Variants in NDC80 observed in about 807,000 individuals in gnomAD.
NDC80 encodes NDC80 kinetochore complex component, also known as kinetochore protein NDC80 homolog.
Under a neutral mutation model 89.3 loss-of-function variants are expected in NDC80, and 69 were observed. That is an observed-to-expected ratio of 0.77 (90% CI 0.64 to 0.94). The LOEUF (loss-of-function observed/expected upper bound fraction) is 0.94, where lower values mean the gene tolerates loss of function less well. NDC80 is among the 40% of genes least tolerant of loss of function. The probability of loss-of-function intolerance (pLI) is 0.00; values close to 1 mark genes in which losing one functional copy is unlikely to be tolerated. For missense variants in NDC80, 593 were observed against 739.6 expected, an observed-to-expected ratio of 0.80 and a Z score of 2.30; for synonymous variants, 243 against 255.6, an observed-to-expected ratio of 0.95 and a Z score of 0.47.
chr18:2,609,706 T>C (rs1016667158), intron 15 of NDC80, among the ~76,000 whole-genome samples: 1 of 152,118 alleles, frequency 6.6e-6, no homozygotes, highest in African/African-American at 2.4e-5. Flanking sequence ...TGTAAAGAGG[T>C]AGAAAGTGGG....
chr18:2,583,989 C>A (rs2072591288), intron 6 of NDC80, among the ~76,000 whole-genome samples: 1 of 152,010 alleles, frequency 6.6e-6, no homozygotes, highest in South Asian at 2.1e-4. Flanking sequence ...TATTAGATAC[C>A]TATTGATATC....
intron 13 of NDC80, among the ~76,000 whole-genome samples, chr18:2,602,136 C>T (rs549125562): frequency 6.6e-6 from 1 of 152,260 alleles, no homozygotes; most frequent in East Asian, 1.9e-4. Flanking sequence ...CTTGTTAATT[C>T]AGCTCTTCAG....
rs752209322 is a variant in NDC80 at position 2,616,596 on chromosome 18, T to C, written c.*22T>C. ...ATGAAGATAAAATGTTGATCATGTA[T>C]ATATATCCATAGTGAATAAAATTGT... On this transcript the variant is annotated 3_prime_UTR_variant, in exon 17 of 17. Transcript: ENST00000261597. 1.3e-5 allele frequency: 17 copies of C among 1,270,402 alleles called. No individual in the cohort carries two copies. In the South Asian group the frequency reaches 2.5e-4, roughly 18 times the overall value. The allele number at this position is 1,270,402 out of a possible 1,614,324, so 78.7% of individuals were successfully genotyped here. A position where few individuals can be genotyped will look rare whatever the true frequency, so the allele number is the denominator to read the frequency against.
chr18:2,580,469 CT>C (rs1403576170), intron 6 of NDC80, among the ~76,000 whole-genome samples: 1 of 151,960 alleles, frequency 6.6e-6, no homozygotes, highest in Non-Finnish European at 1.5e-5. Flanking sequence ...AAAGCTAATA[CT>C]GTTCCCCTGA....
chr18:2,614,566 AAAGAAAGAAAGAAAGAAAG>A (rs2072768375), intron 16 of NDC80: 1 of 2,122 alleles, frequency 4.7e-4, no homozygotes, highest in Non-Finnish European at 8.1e-4. Flanking sequence ...GAAGGAAGGG[AAAGAAAGAAAGAAAGAAAG>A]AAAGAAAGAA....
intron 16 of NDC80, chr18:2,614,480 A>AAAGAAAGGAAGG (rs2072763919): frequency 5.1e-4 from 2 of 3,948 alleles, no homozygotes; most frequent in Non-Finnish European, 9.1e-4. Flanking sequence ...AGAAAGAAAG[A>AAAGAAAGGAAGG]AAGGAAGGAA....
chr18:2,583,220 A>T (rs917553300), intron 6 of NDC80, among the ~76,000 whole-genome samples: 1 of 152,216 alleles, frequency 6.6e-6, no homozygotes, highest in Non-Finnish European at 1.5e-5. Context: ...TCCTTTCAGT[A>T]GTCTTTTCTA....
chr18:2,589,291 A>T lies in NDC80; in HGVS notation c.851A>T (p.Gln284Leu), dbSNP rs748574937. Reference sequence around the variant, plus strand: ...AATGAACAGATTGCAAGATTGGAACAAGAAAGAGAAAAAGAACCGGTTAGT... The same window carrying T: ...AATGAACAGATTGCAAGATTGGAACTAGAAAGAGAAAAAGAACCGGTTAGT... Reference protein sequence around the residue: ...ALNEQIARLEQEREKEPNRLE... With the variant: ...ALNEQIARLELEREKEPNRLE... Residue 284 changes from glutamine to leucine, a missense_variant, in exon 9 of 17, where the codon CAA (glutamine) becomes CTA (leucine). Transcript: ENST00000261597. 1 of 1,613,332 alleles carries T rather than the reference A, an allele frequency of 6.2e-7. No homozygotes were observed. The highest frequency in any genetic ancestry group is 8.5e-7 in the Non-Finnish European group (1 of 1,179,310).
chr18:2,599,818 G>C (rs1179647013), intron 12 of NDC80, among the ~76,000 whole-genome samples: 1 of 152,144 alleles, frequency 6.6e-6, no homozygotes, highest in Non-Finnish European at 1.5e-5. Context: ...GTTTTGAATA[G>C]GAGAATGTTT....
At chr18:2,577,232 T>C (rs944644420) in intron 3 of NDC80, 1 of 125,168 alleles carries the variant, frequency 8.0e-6, no homozygotes, top group African/African-American at 3.0e-5. Flanking sequence ...TTTTTTTTTT[T>C]GAGATGGAGT....
chr18:2,606,032 C>T (rs1264206409), intron 13 of NDC80, among the ~76,000 whole-genome samples: 1 of 151,606 alleles, frequency 6.6e-6, no homozygotes, highest in African/African-American at 2.4e-5. Flanking sequence ...AGAAAATGAA[C>T]ATACAAATGA....
chr18:2,593,268 G>A (rs2072637281), intron 10 of NDC80, among the ~76,000 whole-genome samples: 1 of 151,934 alleles, frequency 6.6e-6, no homozygotes, highest in Admixed American at 6.6e-5. Context: ...TGGCCAGACT[G>A]GTTTCGAACT....
chr18:2,610,630 A>C, intron 15 of NDC80, 129 bp from the exon 16 acceptor site: 1 of 500,528 alleles, frequency 2.0e-6, no homozygotes, highest in Non-Finnish European at 3.7e-6. Context: ...CAAATTATAC[A>C]TATAGTATGC....
intron 6 of NDC80, among the ~76,000 whole-genome samples, chr18:2,584,716 T>C (rs534869458): frequency 1.3e-5 from 2 of 152,312 alleles, no homozygotes; most frequent in South Asian, 2.1e-4. Flanking sequence ...AGAAAAATTA[T>C]TATTGGCTCA....
chr18:2,573,323 C>A (rs1472301676), intron 2 of NDC80, among the ~76,000 whole-genome samples: 3 of 152,128 alleles, frequency 2.0e-5, no homozygotes, highest in Non-Finnish European at 2.9e-5. Flanking sequence ...CCAGGCACCC[C>A]CTAAAAGGAC....
chr18:2,615,129 C>G (rs769524521), intron 16 of NDC80: 9 of 152,222 alleles, frequency 5.9e-5, no homozygotes, highest in Non-Finnish European at 1.2e-4. Flanking sequence ...GAGTACATTT[C>G]TGTTGTTTTA....
chr18:2,580,731 A>ATTTTTTTTTTTTTTTTTTT lies in NDC80; in HGVS notation c.579+1713_579+1731dup, dbSNP rs71365186. ...ACTACTTTTTTGGTCTCACCATCAG[A>ATTTTTTTTTTTTTTTTTTT]TTTTTTTTTTTTTTTTTTTTTTTTT... On this transcript the variant is annotated intron_variant, in intron 6 of 16. Coordinates refer to ENST00000261597, the MANE Select transcript of NDC80 (RefSeq NM_006101.3). Among the ~76,000 whole-genome samples the ATTTTTTTTTTTTTTTTTTT allele has an allele frequency of 1.4e-3, 77 of 55,450 alleles. 19 individuals are homozygous for ATTTTTTTTTTTTTTTTTTT. Among genetic ancestry groups the ATTTTTTTTTTTTTTTTTTT allele is most frequent in the Non-Finnish European group, 2.1e-3 (59 of 28,502 alleles). The allele number at this position is 55,450 out of a possible 152,430, so 36.4% of individuals were successfully genotyped here. A position where few individuals can be genotyped will look rare whatever the true frequency, so the allele number is the denominator to read the frequency against.
chr18:2,613,031 T>C (rs1317488980), intron 16 of NDC80, among the ~76,000 whole-genome samples: 6 of 152,202 alleles, frequency 3.9e-5, no homozygotes, highest in African/African-American at 1.4e-4. Context: ...ATGGAATATT[T>C]TTCTTGTGGG....
At chr18:2,599,209 C>T in intron 12 of NDC80, 38 bp downstream of exon 12, 2 of 1,548,328 alleles carry the variant, frequency 1.3e-6, no homozygotes, top group Non-Finnish European at 8.7e-7. Flanking sequence ...TTTTTTAATT[C>T]TGTGATTGGT....
Sources: gnomAD v4.1 joint callset for allele counts (sites outside exome capture counted in the v4.1 genomes callset) on GRCh38, gnomAD v4.1.1 for gene constraint, MANE v1.5 for transcripts, NCBI Gene and HGNC (gene_info 2026-07-23, HGNC 2026-07-21) for gene names.